Variants in LGR6 observed in about 807,000 individuals in gnomAD.
LGR6 encodes the protein leucine rich repeat containing G protein-coupled receptor 6, also known as leucine-rich repeat-containing G protein-coupled receptor 6.
In LGR6, 45 loss-of-function variants were observed where a neutral mutation model predicts 69.4. The ratio of observed to expected loss-of-function variants is 0.65; its 90% CI spans 0.51 to 0.83. The LOEUF is 0.83. LGR6 is among the 40% of genes least tolerant of loss of function. The pLI is 0.00. For missense variants in LGR6, 1,108 were observed against 1,246.7 expected, an observed-to-expected ratio of 0.89 and a Z score of 1.68; for synonymous variants, 538 against 555.0, an observed-to-expected ratio of 0.97 and a Z score of 0.43.
At chr1:202,215,540 G>C (rs1167369165) in intron 1 of LGR6, among the ~76,000 whole-genome samples, 1 of 152,196 alleles carries the variant, frequency 6.6e-6, no homozygotes. Flanking sequence ...ATGAGGGCTA[G>C]AAGAGATGCT....
At chr1:202,226,532 C>A (rs1051076496) in intron 2 of LGR6, among the ~76,000 whole-genome samples, 1 of 152,114 alleles carries the variant, frequency 6.6e-6, no homozygotes, top group East Asian at 1.9e-4. Flanking sequence ...CCCAGGGATG[C>A]GGTCAACCTG....
chr1:202,222,001 G>A (rs551081170), intron 1 of LGR6, among the ~76,000 whole-genome samples: 189 of 152,364 alleles, frequency 1.2e-3, no homozygotes, highest in Non-Finnish European at 2.3e-3. Flanking sequence ...CTGTGTGTCA[G>A]TTCCTTCCCT....
chr1:202,235,861 C>T, intron 3 of LGR6, 61 bp from the exon 4 acceptor site: 1 of 1,474,962 alleles, frequency 6.8e-7, no homozygotes, highest in South Asian at 1.1e-5. Flanking sequence ...GAGGAGTCAG[C>T]ACCCTCCAGC....
In LGR6 at chr1:202,285,212, C is replaced by G. The variant is rs139891519; in HGVS notation, c.716+4360C>G. Among the ~76,000 whole-genome samples the G allele has an allele frequency of 3.3e-5, 5 of 152,222 alleles. 1 individual carries two copies. The highest frequency in any genetic ancestry group is 1.3e-4 in the Admixed American group (2 of 15,278). ...AACTGTAGCTAGAAAATGTTCCTCT[C>G]TGTGTGTGTCTTTGAAACCATTAAT... On this transcript the variant is annotated intron_variant, in intron 6 of 17. Coordinates refer to ENST00000367278, the MANE Select transcript of LGR6 (RefSeq NM_001017403.2).
rs552940487 is a variant in LGR6 at position 202,301,479 on chromosome 1, G to A, written c.929+244G>A. On this transcript the variant is annotated intron_variant, in intron 9 of 17. Coordinates refer to ENST00000367278, the MANE Select transcript of LGR6 (RefSeq NM_001017403.2). ...TCCCAGGTCTCAAAGGGACAAGGAA[G>A]GTCCATCTCCATAGTCAAGGACTTT... Among the ~76,000 whole-genome samples the A allele has an allele frequency of 1.8e-4, 27 of 152,298 alleles. No individual in the cohort carries two copies. In the South Asian group the frequency reaches 5.6e-3, roughly 32 times the overall value.
chr1:202,194,394 G>A (rs1229105826), intron 1 of LGR6, among the ~76,000 whole-genome samples, 193 bp downstream of exon 1: 1 of 152,208 alleles, frequency 6.6e-6, no homozygotes, highest in African/African-American at 2.4e-5. Flanking sequence ...CAGGCGAGCA[G>A]GGAGACCGGG....
At chr1:202,301,306 C>A in intron 9 of LGR6, 71 bp downstream of exon 9, 1 of 1,315,002 alleles carries the variant, frequency 7.6e-7, no homozygotes, top group Non-Finnish European at 1.1e-6. Context: ...CTCTCTCCTG[C>A]CTATCGCCTG....
At chr1:202,297,378 G>A (rs1667237232) in intron 6 of LGR6, 130 bp from the exon 7 acceptor site, 1 of 700,346 alleles carries the variant, frequency 1.4e-6, no homozygotes, top group African/African-American at 1.8e-5. Context: ...TCCAGACATT[G>A]GCCGCTGGAT....
intron 6 of LGR6, among the ~76,000 whole-genome samples, chr1:202,292,258 G>C (rs1218801983): frequency 6.6e-6 from 1 of 152,198 alleles, no homozygotes; most frequent in African/African-American, 2.4e-5. Flanking sequence ...ATTTTAAAAA[G>C]ATCTTTCCGG....
rs574610191 is a variant in LGR6 at position 202,268,643 on chromosome 1, G to A, written c.429-7663G>A. Reference sequence around the variant, plus strand: ...TTCAGAGATGAAAACCAGCCCTGGGGTCGGCCAGGAGCAAACAATCAGTAA... The same window carrying A: ...TTCAGAGATGAAAACCAGCCCTGGGATCGGCCAGGAGCAAACAATCAGTAA... On this transcript the variant is annotated intron_variant, in intron 4 of 17. Transcript: ENST00000367278. This position sits in a 1 kb window ranked among gnomAD's most constrained non-coding sequence, Gnocchi z 4.4. 3.3e-3 allele frequency among the ~76,000 whole-genome samples: 503 copies of A among 152,238 alleles called. 4 individuals are homozygous for A. Among genetic ancestry groups the A allele is most frequent in the African/African-American group, 0.011 (462 of 41,534 alleles).
intron 6 of LGR6, among the ~76,000 whole-genome samples, chr1:202,296,781 G>A (rs1287182405): frequency 6.6e-6 from 1 of 152,138 alleles, no homozygotes; most frequent in Non-Finnish European, 1.5e-5. Context: ...CCTAGACTTG[G>A]AGTGCCTGGG....
chr1:202,296,846 A>G (rs1160388873), intron 6 of LGR6, among the ~76,000 whole-genome samples: 1 of 152,240 alleles, frequency 6.6e-6, no homozygotes, highest in Non-Finnish European at 1.5e-5. Context: ...AGGGTTGTAC[A>G]CATTTAAATT....
intron 4 of LGR6, among the ~76,000 whole-genome samples, chr1:202,251,096 GGGGTTTAAAAC>G (rs1181972104): frequency 1.3e-5 from 2 of 152,130 alleles, no homozygotes; most frequent in African/African-American, 4.8e-5. Flanking sequence ...AGCTACCCAA[GGGGTTTAAAAC>G]GAGACGATCA....
At chr1:202,281,399 T>C (rs1001817394) in intron 6 of LGR6, among the ~76,000 whole-genome samples, 6 of 152,142 alleles carry the variant, frequency 3.9e-5, no homozygotes, top group Non-Finnish European at 8.8e-5. Context: ...ACCCAAGCTG[T>C]TGACTCTCAA....
At chr1:202,232,019 G>T (rs1240935029) in intron 3 of LGR6, among the ~76,000 whole-genome samples, 1 of 152,000 alleles carries the variant, frequency 6.6e-6, no homozygotes, top group African/African-American at 2.4e-5. Context: ...TTGAGCCCGG[G>T]AGGTGGAGGT....
At position 202,308,150 on chromosome 1, in the gene LGR6, CT is replaced by C. The variant is rs1221252772; in HGVS notation, c.1280+750del. On this transcript the variant is annotated intron_variant, in intron 14 of 17. Transcript: ENST00000367278. ...ACCCGCTTCACTTCACAGGTGAGGC[CT>C]CCAAGGCCCAGGAGGAGAAGTTTAC... Among the ~76,000 whole-genome samples, 9 of 152,344 alleles carry C rather than the reference CT, an allele frequency of 5.9e-5. No individual in the cohort carries two copies. In the South Asian group the frequency reaches 1.9e-3, roughly 32 times the overall value.
intron 4 of LGR6, among the ~76,000 whole-genome samples, chr1:202,258,951 A>G (rs1049371219): frequency 2.0e-5 from 3 of 152,072 alleles, no homozygotes; most frequent in Non-Finnish European, 2.9e-5. Context: ...AGACTTTACC[A>G]TGTTGAGAAA....
At position 202,318,871 on chromosome 1, in the gene LGR6, C is replaced by T. The variant is rs769615485; in HGVS notation, c.2568C>T (p.Ala856=). ...GDSGPLAYAA[A]GELEKSSCDS... is the part of the protein sequence containing the mutation. ...CAGGGCCCCTAGCCTATGCTGCGGCCGGGGAGCTGGAGAAGAGCTCCTGTG... is the reference window on the plus strand; with the variant it reads ...CAGGGCCCCTAGCCTATGCTGCGGCTGGGGAGCTGGAGAAGAGCTCCTGTG... Residue 856 remains alanine (A), a synonymous_variant, in exon 18 of 18, where the codon GCC becomes GCT. Transcript: ENST00000367278. 1.7e-5 allele frequency: 27 copies of T among 1,613,854 alleles called. No individual in the cohort carries two copies. In the Middle Eastern group the frequency reaches 6.6e-4, roughly 39 times the overall value.
chr1:202,256,037 T>A (rs1405282982), intron 4 of LGR6, among the ~76,000 whole-genome samples: 1 of 152,186 alleles, frequency 6.6e-6, no homozygotes, highest in Non-Finnish European at 1.5e-5. Flanking sequence ...TAGCAGTCAC[T>A]CTCTATCTCA....
Sources: allele counts gnomAD v4.1 joint callset (sites outside exome capture counted in the v4.1 genomes callset), GRCh38; gene constraint gnomAD v4.1.1; non-coding constraint Gnocchi (gnomAD v3.1); transcripts MANE v1.5; gene names NCBI Gene and HGNC (gene_info 2026-07-23, HGNC 2026-07-21).